Variants in PTPRD observed in about 807,000 individuals in gnomAD.
PTPRD encodes receptor-type tyrosine-protein phosphatase delta.
Under a neutral mutation model 214.5 loss-of-function variants are expected in PTPRD, and 34 were observed. The observed-to-expected ratio is 0.16, with a 90% CI of 0.12 to 0.21. The LOEUF (loss-of-function observed/expected upper bound fraction) is 0.21. PTPRD is among the 10% of genes least tolerant of loss of function. PTPRD has a pLI of 1.00. For synonymous variants in PTPRD, 1,128 were observed against 845.7 expected, an observed-to-expected ratio of 1.33 and a Z score of -5.79; for missense variants, 2,545 against 2,398.7, an observed-to-expected ratio of 1.06 and a Z score of -1.27.
At chr9:8,791,210 G>C (rs1566087691) in intron 11 of PTPRD, among the ~76,000 whole-genome samples, 1 of 151,770 alleles carries the variant, frequency 6.6e-6, no homozygotes, top group Non-Finnish European at 1.5e-5. Context: ...CAGAGGAGAA[G>C]ACAATTTTTT....
chr9:9,631,046 T>C (rs931014433), intron 7 of PTPRD, among the ~76,000 whole-genome samples: 5 of 152,082 alleles, frequency 3.3e-5, no homozygotes, highest in African/African-American at 4.8e-5. Context: ...GACTCTGTCA[T>C]TTAAAAACAA....
intron 10 of PTPRD, among the ~76,000 whole-genome samples, chr9:9,138,816 A>T (rs7024756): frequency 0.084 from 12,855 of 152,134 alleles, 1,062 homozygotes; most frequent in African/African-American, 0.21. Flanking sequence ...CTATTTATTT[A>T]AAAAATGAAC....
chr9:9,190,772 T>A (rs1162710017), intron 9 of PTPRD, among the ~76,000 whole-genome samples: 1 of 152,082 alleles, frequency 6.6e-6, no homozygotes, highest in Non-Finnish European at 1.5e-5. Flanking sequence ...CCATGATAGA[T>A]AAGTGGTGTG....
At chr9:9,951,837 T>C (rs1354544762) in intron 4 of PTPRD, among the ~76,000 whole-genome samples, 1 of 152,194 alleles carries the variant, frequency 6.6e-6, no homozygotes, top group Non-Finnish European at 1.5e-5. Flanking sequence ...GTCAATTCAG[T>C]TTATGGGACT....
In PTPRD at chr9:9,947,346, A is replaced by AATATATATTATATATTATAATATATATT. The variant is rs2092733397; in HGVS notation, c.-471-8737_-471-8736insAATATATATTATAATATATAATATATAT. 6.9e-5 allele frequency among the ~76,000 whole-genome samples: 3 copies of AATATATATTATATATTATAATATATATT among 43,678 alleles called. No homozygotes were observed. The Admixed American group carries it at 1.6e-3, about 23-fold the overall frequency. 28.7% of individuals were successfully genotyped at this position (43,678 alleles called of 152,430 possible). On this transcript the variant is annotated intron_variant, in intron 4 of 45. Transcript: ENST00000381196. ...TATATTATATATGTATTATATATAT[A>AATATATATTATATATTATAATATATATT]ATATATATTATATATATTATATATA...
At chr9:8,589,362 C>T (rs917096024) in intron 14 of PTPRD, among the ~76,000 whole-genome samples, 4 of 152,150 alleles carry the variant, frequency 2.6e-5, no homozygotes, top group African/African-American at 9.7e-5. Context: ...ATATGGTTCT[C>T]GTAAGTCCTG....
intron 44 of PTPRD, 113 bp from the exon 45 acceptor site, chr9:8,320,079 C>T (rs1287515969): frequency 1.2e-5 from 16 of 1,297,634 alleles, no homozygotes; most frequent in Non-Finnish European, 1.4e-5. Flanking sequence ...CTCTTTATAG[C>T]CATATTCAGG....
intron 8 of PTPRD, among the ~76,000 whole-genome samples, chr9:9,484,650 C>G (rs12343268): frequency 2.4e-4 from 37 of 152,168 alleles, no homozygotes; most frequent in Non-Finnish European, 1.5e-5. Context: ...TGCAACAACT[C>G]TATGAGAAAG....
chr9:9,681,267 T>A (rs1036813020), intron 7 of PTPRD, among the ~76,000 whole-genome samples: 1 of 151,760 alleles, frequency 6.6e-6, no homozygotes, highest in African/African-American at 2.4e-5. Context: ...GAGCCCTGTT[T>A]CCTTGGTGGA....
intron 14 of PTPRD, among the ~76,000 whole-genome samples, chr9:8,553,001 C>A (rs1393946348): frequency 3.3e-5 from 5 of 152,152 alleles, no homozygotes; most frequent in Non-Finnish European, 5.9e-5. Flanking sequence ...CACATGACCA[C>A]AGACCCAAGA....
intron 11 of PTPRD, among the ~76,000 whole-genome samples, chr9:8,928,604 T>C (rs866846464): frequency 5.1e-5 from 7 of 137,952 alleles, no homozygotes; most frequent in Admixed American, 2.2e-4. Context: ...CCTTGTAGTA[T>C]AGTTTGAAGT....
chr9:9,171,452 T>C (rs1047493753), intron 10 of PTPRD, among the ~76,000 whole-genome samples: 5 of 151,608 alleles, frequency 3.3e-5, no homozygotes, highest in African/African-American at 1.2e-4. Context: ...GCTTTTCTTC[T>C]TCAAGTAAAG....
chr9:9,882,729 C>T (rs1432619046), intron 5 of PTPRD, among the ~76,000 whole-genome samples: 1 of 151,660 alleles, frequency 6.6e-6, no homozygotes. Context: ...CCTCCCCAAC[C>T]CCCCTATACA....
chr9:10,519,476 G>C (rs2051409411), intron 2 of PTPRD, among the ~76,000 whole-genome samples: 2 of 151,922 alleles, frequency 1.3e-5, no homozygotes, highest in Non-Finnish European at 2.9e-5. Context: ...CAAAATGTTT[G>C]GCAGAATTTT....
At chr9:10,531,053 A>G (rs2056113024) in intron 2 of PTPRD, among the ~76,000 whole-genome samples, 1 of 151,928 alleles carries the variant, frequency 6.6e-6, no homozygotes, top group Non-Finnish European at 1.5e-5. Flanking sequence ...AGGTTCAAGT[A>G]ATTCTCCTGC....
At chr9:9,335,060 T>G (rs770721034) in intron 9 of PTPRD, among the ~76,000 whole-genome samples, 6 of 152,074 alleles carry the variant, frequency 3.9e-5, no homozygotes, top group Non-Finnish European at 7.4e-5. Context: ...ATGCTCATCT[T>G]GTAGTTAACT....
At chr9:10,034,107 C>G (rs1277413930) in intron 3 of PTPRD, among the ~76,000 whole-genome samples, 1 of 152,048 alleles carries the variant, frequency 6.6e-6, no homozygotes, top group Admixed American at 6.6e-5. Flanking sequence ...TAATGTCATT[C>G]TTCACAGAAT....
intron 10 of PTPRD, among the ~76,000 whole-genome samples, chr9:9,108,785 C>T (rs1413518745): frequency 2.6e-5 from 4 of 152,162 alleles, no homozygotes; most frequent in Non-Finnish European, 5.9e-5. Context: ...TAGTGCTTTC[C>T]TAGAGCAAGC....
At chr9:10,273,064 T>C (rs545666994) in intron 3 of PTPRD, among the ~76,000 whole-genome samples, 1 of 152,322 alleles carries the variant, frequency 6.6e-6, no homozygotes, top group South Asian at 2.1e-4. Context: ...ACAATGTGTA[T>C]GCAGCTGTTT....
Sources: gnomAD v4.1 joint callset for allele counts (sites outside exome capture counted in the v4.1 genomes callset) on GRCh38, gnomAD v4.1.1 for gene constraint, MANE v1.5 for transcripts, NCBI Gene and HGNC (gene_info 2026-07-23, HGNC 2026-07-21) for gene names.